SRD5A1: variants seen among roughly 807,000 people sequenced by gnomAD.
The protein encoded by SRD5A1 is steroid 5 alpha-reductase 1, also known as 3-oxo-5-alpha-steroid 4-dehydrogenase 1.
A neutral mutation model predicts 28.2 loss-of-function variants in SRD5A1; 22 were observed. The ratio of observed to expected loss-of-function variants is 0.78; its 90% confidence interval spans 0.56 to 1.12. SRD5A1 has a LOEUF of 1.12. Ranked by LOEUF, SRD5A1 falls within the 50% of genes most tolerant of loss-of-function variation. The probability of loss-of-function intolerance (pLI) is 0.00; values close to 1 mark genes in which losing one functional copy is unlikely to be tolerated. For missense variants in SRD5A1, 300 were observed against 346.7 expected (o/e 0.87, Z 1.07); for synonymous variants, 151 against 135.0 (o/e 1.12, Z -0.82).
chr5:6,660,141 TTAG>T (rs1466467838), intron 3 of SRD5A1, among the ~76,000 whole-genome samples: 32 of 152,332 alleles, frequency 2.1e-4, no homozygotes, highest in African/African-American at 7.2e-4. Context: ...GAACTAGGGC[TTAG>T]GACAAGTGCT....
At position 6,633,455 on chromosome 5, in the gene SRD5A1, C is replaced by T; in HGVS notation, c.-122C>T. On this transcript the variant is annotated 5_prime_UTR_variant, in exon 1 of 5. Transcript: ENST00000274192. ...ACTTGAGAACCCTTTCTGCAGAGTC[C>T]CGGCAGTGCGGGACTCCGGTAGCCG... The T allele has an allele frequency of 1.7e-6, 2 of 1,161,852 alleles. No homozygotes were observed. The highest frequency in any genetic ancestry group is 3.6e-5 in the South Asian group (2 of 56,260). 72.0% of individuals were successfully genotyped at this position (1,161,852 alleles called of 1,614,324 possible). A position where few individuals can be genotyped will look rare whatever the true frequency, so the allele number is the denominator to read the frequency against.
At chr5:6,654,025 A>G (rs1738760892) in intron 2 of SRD5A1, among the ~76,000 whole-genome samples, 1 of 152,104 alleles carries the variant, frequency 6.6e-6, no homozygotes, top group Non-Finnish European at 1.5e-5. Context: ...TGCCTACTGT[A>G]GTTACCATGA....
rs149956933 is a variant in SRD5A1 at position 6,649,811 on chromosome 5, A to T, written c.294-2031A>T. On this transcript the variant is annotated intron_variant, in intron 1 of 4. Transcript: ENST00000274192. ...GAGATAAGCCAGTTACCTCAGTTGG[A>T]AATGCAGGAATCACCCACCTTCTGT... Among the ~76,000 whole-genome samples the T allele has an allele frequency of 6.9e-3, 1,046 of 152,226 alleles. 5 individuals carry two copies. The highest frequency in any genetic ancestry group is 0.01 in the Non-Finnish European group (705 of 68,002).
chr5:6,654,308 C>T (rs1738772032), intron 2 of SRD5A1, among the ~76,000 whole-genome samples: 2 of 152,136 alleles, frequency 1.3e-5, no homozygotes, highest in Non-Finnish European at 2.9e-5. Flanking sequence ...TCACCCGCCT[C>T]AGCCTCCCAA....
At chr5:6,661,317 G>C (rs1041676661) in intron 3 of SRD5A1, among the ~76,000 whole-genome samples, 1 of 151,120 alleles carries the variant, frequency 6.6e-6, no homozygotes, top group Non-Finnish European at 1.5e-5. Context: ...AAGAGAGGTG[G>C]GTCACCTGAG....
chr5:6,656,952 A>G (rs1055597853), intron 3 of SRD5A1, among the ~76,000 whole-genome samples: 3 of 152,242 alleles, frequency 2.0e-5, no homozygotes, highest in African/African-American at 7.2e-5. Flanking sequence ...TAATGGAAAC[A>G]TTATAAAGTG....
At chr5:6,647,171 T>G (rs1738532240) in intron 1 of SRD5A1, among the ~76,000 whole-genome samples, 1 of 152,218 alleles carries the variant, frequency 6.6e-6, no homozygotes, top group Non-Finnish European at 1.5e-5. Flanking sequence ...TCTTTTGCAT[T>G]TGTTGAGGAG....
At chr5:6,636,195 A>G (rs1394459833) in intron 1 of SRD5A1, among the ~76,000 whole-genome samples, 2 of 152,132 alleles carry the variant, frequency 1.3e-5, no homozygotes, top group African/African-American at 4.8e-5. Flanking sequence ...CAACTAATTT[A>G]TTAAACAGTC....
At chr5:6,663,104 A>G in intron 4 of SRD5A1, 138 bp downstream of exon 4, 1 of 1,061,790 alleles carries the variant, frequency 9.4e-7, no homozygotes, top group African/African-American at 1.6e-5. Flanking sequence ...ACAAGTACAA[A>G]ACCAAATAGC....
chr5:6,654,012 T>C (rs2126540931), intron 2 of SRD5A1, among the ~76,000 whole-genome samples: 1 of 152,152 alleles, frequency 6.6e-6, no homozygotes, highest in East Asian at 1.9e-4. Flanking sequence ...AAATAAGTAA[T>C]TATGCCTACT....
intron 3 of SRD5A1, 133 bp downstream of exon 3, chr5:6,656,312 T>G (rs1478735167): frequency 1.4e-6 from 1 of 700,860 alleles, no homozygotes; most frequent in Admixed American, 2.7e-5. Flanking sequence ...TCATCATTAT[T>G]AATAACAAGT....
rs1363283285 is a variant in SRD5A1 at position 6,673,255 on chromosome 5, C to A, written c.*4987C>A. ...TTTCTCCCATAACAATAAGCCAGTTCTTTTTGCTTTGAATCAGAAATAGCT... is the reference window on the plus strand; with the variant it reads ...TTTCTCCCATAACAATAAGCCAGTTATTTTTGCTTTGAATCAGAAATAGCT... On this transcript the variant is annotated 3_prime_UTR_variant, in exon 5 of 5. Transcript: ENST00000274192. 1.3e-5 allele frequency: 2 copies of A among 152,178 alleles called. No homozygotes were observed. The highest frequency in any genetic ancestry group is 2.9e-5 in the Non-Finnish European group (2 of 68,024). The allele number at this position is 152,178 out of a possible 1,614,324, so 9.4% of individuals were successfully genotyped here.
intron 1 of SRD5A1, among the ~76,000 whole-genome samples, chr5:6,641,926 A>G (rs1285610081): frequency 6.6e-6 from 1 of 152,168 alleles, no homozygotes; most frequent in Non-Finnish European, 1.5e-5. Flanking sequence ...AAAATATAAC[A>G]CACTTGTGCT....
At chr5:6,664,801 GTAT>G in intron 4 of SRD5A1, among the ~76,000 whole-genome samples, 1 of 152,356 alleles carries the variant, frequency 6.6e-6, no homozygotes, top group Non-Finnish European at 1.5e-5. Flanking sequence ...CAGTGGCCTG[GTAT>G]TTTCACGCAT....
intron 1 of SRD5A1, among the ~76,000 whole-genome samples, chr5:6,638,854 T>C (rs1408937599): frequency 1.3e-5 from 2 of 152,170 alleles, no homozygotes; most frequent in Non-Finnish European, 2.9e-5. Flanking sequence ...GACCCAAATC[T>C]AGGAAGTGCC....
chr5:6,639,786 C>A (rs1044229070), intron 1 of SRD5A1, among the ~76,000 whole-genome samples: 1 of 152,116 alleles, frequency 6.6e-6, no homozygotes, highest in Non-Finnish European at 1.5e-5. Context: ...TGTATGTGAA[C>A]AAACTTACAG....
intron 3 of SRD5A1, among the ~76,000 whole-genome samples, chr5:6,658,281 T>C (rs1021852452): frequency 1.3e-5 from 2 of 152,098 alleles, no homozygotes; most frequent in African/African-American, 4.8e-5. Context: ...GCTGAGATCA[T>C]GCCACTGTAT....
Position 6,670,302 on chromosome 5 carries a change from C to T in SRD5A1, c.*2034C>T, listed in dbSNP as rs1469056689. The T allele has an allele frequency of 1.3e-5, 2 of 152,218 alleles. No individual in the cohort carries two copies. The highest frequency in any genetic ancestry group is 4.8e-5 in the African/African-American group (2 of 41,450). The allele number at this position is 152,218 out of a possible 1,614,324, so 9.4% of individuals were successfully genotyped here. ...CTCCTGCCTCAAGCTGCAGGGAAGC[C>T]AGGGGGTGGCATGGCCATGGCTTCT... On this transcript the variant is annotated 3_prime_UTR_variant, in exon 5 of 5. Transcript: ENST00000274192.
At position 6,633,743 on chromosome 5, in the gene SRD5A1, G is replaced by A. The variant is rs780818331; in HGVS notation, c.167G>A (p.Trp56Ter). ...HRLRVPARAAWVVQELPSLAL... is the reference protein window; with the variant it reads ...HRLRVPARAA ...CTCCGAGTGCCGGCGCGGGCCGCCT[G>A]GGTGGTGCAGGAGCTGCCCTCGCTG... The change falls in exon 1 of 5, where the codon TGG becomes TAG. Residue 56 changes from tryptophan to a stop codon, truncating the protein, a stop_gained. Coordinates refer to ENST00000274192, the MANE Select transcript of SRD5A1 (RefSeq NM_001047.4). LOFTEE classifies it high-confidence loss of function. The A allele has an allele frequency of 6.3e-7, 1 of 1,596,032 alleles. No homozygotes were observed. Among genetic ancestry groups the A allele is most frequent in the Non-Finnish European group, 8.5e-7 (1 of 1,178,870 alleles).
Sources: allele counts gnomAD v4.1 joint callset (sites outside exome capture counted in the v4.1 genomes callset), GRCh38; gene constraint gnomAD v4.1.1; transcripts MANE v1.5; gene names NCBI Gene and HGNC (gene_info 2026-07-23, HGNC 2026-07-21).